PLEKHM1: variants seen among roughly 807,000 people sequenced by gnomAD.
PLEKHM1 encodes the protein pleckstrin homology and RUN domain containing M1, also known as pleckstrin homology domain-containing family M member 1.
Under a neutral mutation model 94.3 loss-of-function variants are expected in PLEKHM1, and 28 were observed. The ratio of observed to expected loss-of-function variants is 0.30; its 90% CI spans 0.22 to 0.41. The LOEUF (loss-of-function observed/expected upper bound fraction) is 0.41. Among genes scored for constraint, PLEKHM1 ranks in the 10% least tolerant of loss-of-function variants. PLEKHM1 has a pLI of 1.00. For missense variants in PLEKHM1, 907 were observed against 1,358.6 expected, an observed-to-expected ratio of 0.67 and a Z score of 5.22; for synonymous variants, 424 against 581.2, an observed-to-expected ratio of 0.73 and a Z score of 3.89.
chr17:45,445,740 C>A lies in PLEKHM1; in HGVS notation c.2644-77G>T, dbSNP rs2050588738. The A allele has an allele frequency of 9.6e-7, 1 of 1,041,774 alleles. No individual in the cohort carries two copies. 64.5% of individuals were successfully genotyped at this position (1,041,774 alleles called of 1,614,324 possible). ...CACTGCCTGGCCAGGTGCCACATGA[C>A]CTGCTCACTTACCTGAGGGGCTATC... On this transcript the variant is annotated intron_variant, in intron 8 of 11. Transcript: ENST00000430334. The surrounding 1 kb of genome is among the most constrained non-coding windows in gnomAD (Gnocchi z 4.2).
At chr17:45,474,854 G>C (rs946672404) in intron 4 of PLEKHM1, among the ~76,000 whole-genome samples, 36 of 152,152 alleles carry the variant, frequency 2.4e-4, no homozygotes, top group Non-Finnish European at 4.9e-4. Flanking sequence ...AAAAGTCACC[G>C]GGGCAGAGCT....
At chr17:45,473,576 T>C (rs1445065821) in intron 4 of PLEKHM1, among the ~76,000 whole-genome samples, 1 of 149,382 alleles carries the variant, frequency 6.7e-6, no homozygotes, top group African/African-American at 2.4e-5. Flanking sequence ...TTTTTTTTTT[T>C]GGGACAGAGT....
chr17:45,454,564 C>T, intron 6 of PLEKHM1: 1 of 573,406 alleles, frequency 1.7e-6, no homozygotes, highest in Non-Finnish European at 3.1e-6. Context: ...CTCCTGCTGC[C>T]AGGGATGAAC....
At chr17:45,484,280 C>T (rs934121366) in intron 1 of PLEKHM1, among the ~76,000 whole-genome samples, 28 of 152,196 alleles carry the variant, frequency 1.8e-4, no homozygotes, top group African/African-American at 6.5e-4. Flanking sequence ...CCTTTCTAGG[C>T]CTTTTCCTGA....
At chr17:45,483,414 TGGGTGGGGTGGGGTG>T (rs911527924) in intron 1 of PLEKHM1, among the ~76,000 whole-genome samples, 4,370 of 124,368 alleles carry the variant, frequency 0.035, 266 homozygotes, top group African/African-American at 0.12. Context: ...CTCCTGGAAG[TGGGTGGGGTGGGGTG>T]GGGTGGGGTG....
Position 45,453,393 on chromosome 17 carries a change from A to G in PLEKHM1, c.2459T>C (p.Met820Thr), listed in dbSNP as rs768193086. ...GCCTTGGGAGTCAAGGCCTTTCTCCATGGGGATAGCCACCAGGTACTGCAG... is the reference window on the plus strand; with the variant it reads ...GCCTTGGGAGTCAAGGCCTTTCTCCGTGGGGATAGCCACCAGGTACTGCAG... ...FLLQYLVAIP[M>T]EKGLDSQGCF... Residue 820 changes from methionine (M) to threonine (T), a missense_variant, in exon 7 of 12, where the codon ATG becomes ACG. By Grantham distance (81) the Met-to-Thr change is moderately conservative. This residue lies in a region of PLEKHM1 where 254 missense variants were observed against 451.1 expected (regional missense o/e 0.56). Coordinates refer to ENST00000430334, the MANE Select transcript of PLEKHM1 (RefSeq NM_014798.3). This position sits in a 1 kb window ranked among gnomAD's most constrained non-coding sequence, Gnocchi z 4.1. 1 of 1,613,768 alleles carries G rather than the reference A, an allele frequency of 6.2e-7. No homozygotes were observed. Among genetic ancestry groups the G allele is most frequent in the African/African-American group, 1.3e-5 (1 of 74,892 alleles).
rs1282155559 is a variant in PLEKHM1, at chr17:45,436,253, C to T, written c.*1605G>A. On this transcript the variant is annotated 3_prime_UTR_variant, in exon 12 of 12. Coordinates refer to ENST00000430334, the MANE Select transcript of PLEKHM1 (RefSeq NM_014798.3). Reference sequence around the variant, plus strand: ...CAATGAGGGCTCTGACTAGGCTGGGCTTGTGGTGGAGCGTTAATGTGGGCC... The same window carrying T: ...CAATGAGGGCTCTGACTAGGCTGGGTTTGTGGTGGAGCGTTAATGTGGGCC... 2 of 454,272 alleles carry T rather than the reference C, an allele frequency of 4.4e-6. No homozygotes were observed. The highest frequency in any genetic ancestry group is 4.7e-5 in the Admixed American group (2 of 42,584). The allele number at this position is 454,272 out of a possible 1,614,324, so 28.1% of individuals were successfully genotyped here.
chr17:45,445,315 G>A lies in PLEKHM1; in HGVS notation c.2837+155C>T, dbSNP rs1285396188. Among the ~76,000 whole-genome samples the A allele has an allele frequency of 6.6e-6, 1 of 152,260 alleles. No homozygotes were observed. The highest frequency in any genetic ancestry group is 1.5e-5 in the Non-Finnish European group (1 of 68,044). On this transcript the variant is annotated intron_variant, in intron 9 of 11. Transcript: ENST00000430334. This position sits in a 1 kb window ranked among gnomAD's most constrained non-coding sequence, Gnocchi z 4.2. ...CATTTGTGCACATGTGCATGGGTGTGGATGTCTATGCATTTGTGTATAAAT... is the reference window on the plus strand; with the variant it reads ...CATTTGTGCACATGTGCATGGGTGTAGATGTCTATGCATTTGTGTATAAAT...
chr17:45,454,119 G>T lies in PLEKHM1; in HGVS notation c.1733C>A (p.Ser578Ter). 1 of 1,614,176 alleles carries T rather than the reference G, an allele frequency of 6.2e-7. No homozygotes were observed. Among genetic ancestry groups the T allele is most frequent in the Non-Finnish European group, 8.5e-7 (1 of 1,180,042 alleles). Residue 578 changes from serine to a stop codon, truncating the protein, a stop_gained, in exon 7 of 12, where the codon TCG (serine) becomes TAG (stop). Transcript: ENST00000430334. LOFTEE classifies it high-confidence loss of function. The stretch of plus-strand genomic sequence containing the variant: ...CCCCACAGACTCACAGCGAAGCAGC[G>T]AGCAGTTCTCCACACAGGTGTGCTC... ...NEEHTCVENC[S>*]LLRCESVGPA...
At chr17:45,488,708 G>A (rs985454666) in intron 1 of PLEKHM1, among the ~76,000 whole-genome samples, 17 of 152,206 alleles carry the variant, frequency 1.1e-4, no homozygotes, top group African/African-American at 3.9e-4. Context: ...GGAGGCCGAG[G>A]TGGGTGGATC....
At chr17:45,462,932 A>AT (rs1178528739) in intron 5 of PLEKHM1, among the ~76,000 whole-genome samples, 15 of 151,836 alleles carry the variant, frequency 9.9e-5, no homozygotes, top group Admixed American at 5.3e-4. Flanking sequence ...AAGTACAAAA[A>AT]TTAGCTGGGC....
intron 4 of PLEKHM1, among the ~76,000 whole-genome samples, chr17:45,469,796 G>A (rs941392984): frequency 2.0e-5 from 3 of 152,198 alleles, no homozygotes; most frequent in Admixed American, 6.5e-5. Flanking sequence ...GATTTTGGCC[G>A]GGTGTGGTGG....
chr17:45,480,515 C>G (rs1226078549), intron 2 of PLEKHM1, among the ~76,000 whole-genome samples: 1 of 148,826 alleles, frequency 6.7e-6, no homozygotes, highest in Non-Finnish European at 1.5e-5. Context: ...AACAAAAAAA[C>G]AAACAAAAAA....
rs781609834 is a variant in PLEKHM1 at position 45,436,973 on chromosome 17, C to T, written c.*885G>A. 8.5e-5 allele frequency: 38 copies of T among 448,290 alleles called. No individual in the cohort carries two copies. The highest frequency in any genetic ancestry group is 1.4e-4 in the Non-Finnish European group (30 of 221,984). 27.8% of individuals were successfully genotyped at this position (448,290 alleles called of 1,614,324 possible). A position where few individuals can be genotyped will look rare whatever the true frequency, so the allele number is the denominator to read the frequency against. On this transcript the variant is annotated 3_prime_UTR_variant, in exon 12 of 12. Coordinates refer to ENST00000430334, the MANE Select transcript of PLEKHM1 (RefSeq NM_014798.3). ...GGTGGGCCTGGAGCATCTGCAGCAG[C>T]GCCCCTGTCTGTAGAGGGGTGAGGA...
intron 1 of PLEKHM1, among the ~76,000 whole-genome samples, chr17:45,486,946 G>A (rs1051088231): frequency 1.3e-5 from 2 of 152,154 alleles, no homozygotes; most frequent in Non-Finnish European, 2.9e-5. Flanking sequence ...CCCAGATTCT[G>A]AATCTACCAT....
rs1408220282 is a variant in PLEKHM1, at chr17:45,453,056, A to C, written c.2497+299T>G. The C allele has an allele frequency of 1.7e-6, 1 of 573,354 alleles. No individual in the cohort carries two copies. The highest frequency in any genetic ancestry group is 3.1e-6 in the Non-Finnish European group (1 of 319,792). The allele number at this position is 573,354 out of a possible 1,614,324, so 35.5% of individuals were successfully genotyped here. On this transcript the variant is annotated intron_variant, in intron 7 of 11. Transcript: ENST00000430334. This position sits in a 1 kb window ranked among gnomAD's most constrained non-coding sequence, Gnocchi z 4.1. The stretch of plus-strand genomic sequence containing the variant: ...GAACAGGACGGTAGAGCAAGAAGAA[A>C]ATGAAGCAGGCTGGGACTCCCTGAG...
rs1001770487 is a variant in PLEKHM1, at chr17:45,444,871, C to T, written c.2837+599G>A. On this transcript the variant is annotated intron_variant, in intron 9 of 11. Transcript: ENST00000430334. The surrounding 1 kb of genome is among the most constrained non-coding windows in gnomAD (Gnocchi z 5.0). ...CAGGACGTCCTGCCTCTCACCCTCA[C>T]CCCCAGATGGAGTTGCTGGCTTTCC... is the stretch of plus-strand genomic sequence containing the variant. Among the ~76,000 whole-genome samples the T allele has an allele frequency of 2.0e-5, 3 of 152,124 alleles. No individual in the cohort carries two copies. Among genetic ancestry groups the T allele is most frequent in the Non-Finnish European group, 2.9e-5 (2 of 68,016 alleles).
chr17:45,447,712 T>G (rs1386994693), intron 8 of PLEKHM1, among the ~76,000 whole-genome samples: 2 of 152,170 alleles, frequency 1.3e-5, no homozygotes, highest in East Asian at 3.8e-4. Flanking sequence ...TGAGTTTCCC[T>G]GTCTTTCCTA....
chr17:45,437,864 G>A lies in PLEKHM1; in HGVS notation c.3165C>T (p.Phe1055=), dbSNP rs750756182. 2.5e-5 allele frequency: 40 copies of A among 1,613,420 alleles called. No individual in the cohort carries two copies. Among genetic ancestry groups the A allele is most frequent in the Non-Finnish European group, 2.9e-5 (34 of 1,179,612 alleles). The part of the protein sequence containing the change: ...RRRKYQEQNI[F]A ...CGGGGTCAGCAGATGGGCATCAGGC[G>A]AAAATGTTCTGTTCCTGGTACTTGC... The change falls in exon 12 of 12, where the codon TTC becomes TTT. Residue 1055 remains phenylalanine, a synonymous_variant. Transcript: ENST00000430334. The surrounding 1 kb of genome is among the most constrained non-coding windows in gnomAD (Gnocchi z 4.0).
Sources: allele counts gnomAD v4.1 joint callset (sites outside exome capture counted in the v4.1 genomes callset), GRCh38; gene constraint gnomAD v4.1.1; regional missense constraint gnomAD v4.1.1; non-coding constraint Gnocchi (gnomAD v3.1); transcripts MANE v1.5; gene names NCBI Gene and HGNC (gene_info 2026-07-23, HGNC 2026-07-21).